Variants in RAPGEF4 observed in about 807,000 individuals in gnomAD.
RAPGEF4 encodes Rap guanine nucleotide exchange factor 4, also known as RAP guanine-nucleotide-exchange factor (GEF) 4.
A neutral mutation model predicts 147.9 loss-of-function variants in RAPGEF4; 66 were observed. That is an observed-to-expected ratio of 0.45 (90% CI 0.37 to 0.55). The LOEUF (loss-of-function observed/expected upper bound fraction) is 0.55. Among genes scored for constraint, RAPGEF4 ranks in the 20% least tolerant of loss-of-function variants. RAPGEF4 has a pLI of 0.00. For synonymous variants in RAPGEF4, 419 were observed against 442.7 expected (o/e 0.95, Z 0.67); for missense variants, 1,071 against 1,257.3 (o/e 0.85, Z 2.24).
At chr2:172,793,248 C>T (rs1686006073) in intron 1 of RAPGEF4, among the ~76,000 whole-genome samples, 1 of 152,136 alleles carries the variant, frequency 6.6e-6, no homozygotes, top group African/African-American at 2.4e-5. Context: ...CAACCATAAT[C>T]CAGTGTGACC....
At chr2:173,039,742 T>C (rs1359771269) in intron 29 of RAPGEF4, among the ~76,000 whole-genome samples, 1 of 152,194 alleles carries the variant, frequency 6.6e-6, no homozygotes, top group Non-Finnish European at 1.5e-5. Flanking sequence ...TTATTTGAAG[T>C]ATTCATATAT....
intron 4 of RAPGEF4, among the ~76,000 whole-genome samples, chr2:172,898,745 C>T (rs887730108): frequency 6.6e-6 from 1 of 152,256 alleles, no homozygotes; most frequent in African/African-American, 2.4e-5. Flanking sequence ...CCCTATGGGC[C>T]GCCACACATC....
At chr2:172,797,775 C>CAA (rs1318636149) in intron 3 of RAPGEF4, among the ~76,000 whole-genome samples, 162 bp downstream of exon 3, 1 of 152,116 alleles carries the variant, frequency 6.6e-6, no homozygotes, top group Non-Finnish European at 1.5e-5. Context: ...AGTTACTCAA[C>CAA]AAACACCTAT....
rs140575966 is a variant in RAPGEF4 at position 172,888,816 on chromosome 2, A to G, written c.445-28986A>G. 3.5e-4 allele frequency among the ~76,000 whole-genome samples: 53 copies of G among 152,278 alleles called. No individual in the cohort carries two copies. The East Asian group carries it at 9.3e-3, about 27-fold the overall frequency. ...GCAGCATTTTTCAAGAGTTTCTCAT[A>G]TTTATCTGAGTGATGGTGATTTCAT... On this transcript the variant is annotated intron_variant, in intron 4 of 30. Transcript: ENST00000397081.
intron 22 of RAPGEF4, among the ~76,000 whole-genome samples, chr2:173,019,889 CT>C (rs1209484660): frequency 6.6e-6 from 1 of 152,172 alleles, no homozygotes; most frequent in Admixed American, 6.5e-5. Context: ...GACCCCACCC[CT>C]GTGATATTTT....
intron 17 of RAPGEF4, among the ~76,000 whole-genome samples, chr2:173,001,656 A>C (rs993712327): frequency 6.6e-6 from 1 of 152,068 alleles, no homozygotes; most frequent in Non-Finnish European, 1.5e-5. Context: ...GGTTTAATTG[A>C]CTGGCAGTTC....
intron 1 of RAPGEF4, among the ~76,000 whole-genome samples, chr2:172,786,416 G>A (rs919554470): frequency 3.9e-5 from 6 of 152,082 alleles, no homozygotes; most frequent in African/African-American, 1.4e-4. Flanking sequence ...TCCAGATTAA[G>A]GTGCCTAATG....
At position 172,764,506 on chromosome 2, in the gene RAPGEF4, A is replaced by G. The variant is rs933713872; in HGVS notation, c.65+28458A>G. 7.2e-5 allele frequency among the ~76,000 whole-genome samples: 11 copies of G among 152,234 alleles called. 1 individual carries two copies. Among genetic ancestry groups the G allele is most frequent in the African/African-American group, 2.7e-4 (11 of 41,462 alleles). On this transcript the variant is annotated intron_variant, in intron 1 of 30. Coordinates refer to ENST00000397081, the MANE Select transcript of RAPGEF4 (RefSeq NM_007023.4). ...AATGGAAATGTAGTCGAAGGAGTGT[A>G]GGTGAGATGGGCTCGGCAGGATGTG...
At chr2:172,941,032 A>G (rs1479414164) in intron 6 of RAPGEF4, among the ~76,000 whole-genome samples, 1 of 152,192 alleles carries the variant, frequency 6.6e-6, no homozygotes, top group Admixed American at 6.5e-5. Flanking sequence ...CATTGCTGAT[A>G]TGTGGAAAAA....
chr2:172,894,994 G>A (rs1698325961), intron 4 of RAPGEF4, among the ~76,000 whole-genome samples: 1 of 151,836 alleles, frequency 6.6e-6, no homozygotes, highest in Non-Finnish European at 1.5e-5. Context: ...AGAATGCCAA[G>A]CAGAAGAACT....
intron 6 of RAPGEF4, among the ~76,000 whole-genome samples, chr2:172,950,107 G>A (rs984129417): frequency 6.6e-6 from 1 of 152,210 alleles, no homozygotes; most frequent in African/African-American, 2.4e-5. Flanking sequence ...TGCTTTTCTG[G>A]TGGGGAGAGA....
At chr2:172,899,250 A>G (rs1698825198) in intron 4 of RAPGEF4, among the ~76,000 whole-genome samples, 3 of 152,188 alleles carry the variant, frequency 2.0e-5, no homozygotes. Context: ...TACTATAGAG[A>G]TAATTTATAG....
chr2:172,787,716 C>G (rs1685361193), intron 1 of RAPGEF4, among the ~76,000 whole-genome samples: 1 of 151,980 alleles, frequency 6.6e-6, no homozygotes, highest in Non-Finnish European at 1.5e-5. Context: ...ACCTCCTGGG[C>G]TCAAGCAATC....
chr2:172,825,108 A>G (rs1689521695), intron 4 of RAPGEF4, among the ~76,000 whole-genome samples: 1 of 152,216 alleles, frequency 6.6e-6, no homozygotes, highest in African/African-American at 2.4e-5. Context: ...GGATGCACCT[A>G]GATAAACCCA....
chr2:173,020,512 C>T (rs931560662), intron 22 of RAPGEF4, 106 bp from the exon 23 acceptor site: 10 of 885,524 alleles, frequency 1.1e-5, no homozygotes, highest in South Asian at 6.7e-5. Flanking sequence ...AGTCACTCTG[C>T]GTGTTCCGGT....
At position 172,870,823 on chromosome 2, in the gene RAPGEF4, G is replaced by A. The variant is rs562497267; in HGVS notation, c.445-46979G>A. Among the ~76,000 whole-genome samples, 10 of 152,204 alleles carry A rather than the reference G, an allele frequency of 6.6e-5. No homozygotes were observed. In the East Asian group the frequency reaches 1.5e-3, roughly 23 times the overall value. On this transcript the variant is annotated intron_variant, in intron 4 of 30. Coordinates refer to ENST00000397081, the MANE Select transcript of RAPGEF4 (RefSeq NM_007023.4). Reference sequence around the variant, plus strand: ...TTTATTAAAATTCCTATGCAGAGACGTATAACTAAATACAGACTATGGATT... The same window carrying A: ...TTTATTAAAATTCCTATGCAGAGACATATAACTAAATACAGACTATGGATT...
intron 1 of RAPGEF4, among the ~76,000 whole-genome samples, chr2:172,767,131 A>G (rs937726790): frequency 1.3e-5 from 2 of 152,088 alleles, no homozygotes; most frequent in Admixed American, 1.3e-4. Flanking sequence ...GGTTGTGAAG[A>G]TAAACTCTCT....
At chr2:172,943,840 T>G (rs952902747) in intron 6 of RAPGEF4, among the ~76,000 whole-genome samples, 1 of 152,178 alleles carries the variant, frequency 6.6e-6, no homozygotes, top group Non-Finnish European at 1.5e-5. Flanking sequence ...GTTCTATATC[T>G]TCATAAAGGT....
intron 4 of RAPGEF4, among the ~76,000 whole-genome samples, chr2:172,818,562 G>C (rs551933493): frequency 5.1e-4 from 77 of 152,196 alleles, no homozygotes; most frequent in African/African-American, 1.8e-3. Flanking sequence ...GGAATGTCCT[G>C]GTGGGCTCAT....
Sources: allele counts gnomAD v4.1 joint callset (sites outside exome capture counted in the v4.1 genomes callset), GRCh38; gene constraint gnomAD v4.1.1; transcripts MANE v1.5; gene names NCBI Gene and HGNC (gene_info 2026-07-23, HGNC 2026-07-21).